The following NSUN3 variants were observed in gnomAD, a reference collection of about 807,000 sequenced individuals.
NSUN3 encodes the protein NOP2/Sun RNA methyltransferase 3, also known as tRNA (cytosine(34)-C(5))-methyltransferase, mitochondrial.
NSUN3 carries 24 observed loss-of-function variants against 36.8 expected under a neutral mutation model. The ratio of observed to expected loss-of-function variants is 0.65; its 90% CI spans 0.47 to 0.92. The LOEUF (loss-of-function observed/expected upper bound fraction) is 0.92. Ranked by LOEUF, NSUN3 falls within the 40% of genes least tolerant of loss-of-function variation. NSUN3 has a pLI of 0.00. For synonymous variants in NSUN3, 146 were observed against 145.2 expected, an observed-to-expected ratio of 1.01 and a Z score of -0.04; for missense variants, 381 against 392.8, an observed-to-expected ratio of 0.97 and a Z score of 0.25.
intron 2 of NSUN3, among the ~76,000 whole-genome samples, chr3:94,079,492 A>G (rs1286359522): frequency 6.6e-6 from 1 of 152,146 alleles, no homozygotes; most frequent in Non-Finnish European, 1.5e-5. Context: ...AGGTTGGGGA[A>G]GTTCTCCTGG....
At chr3:94,089,946 T>C (rs1243780362) in intron 3 of NSUN3, among the ~76,000 whole-genome samples, 1 of 152,172 alleles carries the variant, frequency 6.6e-6, no homozygotes, top group Non-Finnish European at 1.5e-5. Flanking sequence ...ACACTTTTAG[T>C]ACATAGGACA....
intron 5 of NSUN3, among the ~76,000 whole-genome samples, chr3:94,107,285 T>G (rs1025610389): frequency 6.6e-6 from 1 of 152,072 alleles, no homozygotes; most frequent in African/African-American, 2.4e-5. Context: ...GTTTTGTTGT[T>G]GTTGTTTTGT....
At chr3:94,109,381 C>T (rs1243113717) in intron 5 of NSUN3, among the ~76,000 whole-genome samples, 3 of 152,060 alleles carry the variant, frequency 2.0e-5, no homozygotes, top group East Asian at 1.9e-4. Context: ...AGCTATGTAT[C>T]GGAGTTTGGT....
chr3:94,068,444 G>T (rs749246558), intron 2 of NSUN3, among the ~76,000 whole-genome samples: 12 of 152,138 alleles, frequency 7.9e-5, no homozygotes, highest in Non-Finnish European at 1.8e-4. Flanking sequence ...GGGTTTTGAA[G>T]AACCAATACC....
intron 3 of NSUN3, among the ~76,000 whole-genome samples, chr3:94,086,238 T>C (rs926518241): frequency 1.2e-4 from 19 of 152,312 alleles, no homozygotes; most frequent in African/African-American, 4.1e-4. Flanking sequence ...GGCTGACTTA[T>C]TCACTTCCTC....
intron 5 of NSUN3, among the ~76,000 whole-genome samples, chr3:94,123,672 CT>C (rs1481698763): frequency 1.3e-5 from 2 of 152,176 alleles, no homozygotes; most frequent in African/African-American, 2.4e-5. Flanking sequence ...ATTACCACCC[CT>C]GGCTCACCTT....
intron 5 of NSUN3, among the ~76,000 whole-genome samples, chr3:94,109,285 GAA>G (rs1280916094): frequency 9.9e-5 from 15 of 152,196 alleles, no homozygotes; most frequent in African/African-American, 3.6e-4. Context: ...CATCTAGAAA[GAA>G]GAGGCAAATA....
intron 2 of NSUN3, among the ~76,000 whole-genome samples, chr3:94,073,993 G>A (rs1436025620): frequency 6.6e-6 from 1 of 152,074 alleles, no homozygotes; most frequent in Non-Finnish European, 1.5e-5. Context: ...GTAAGGAAGG[G>A]GTCCAGTTTC....
chr3:94,114,860 G>A (rs2077433117), intron 5 of NSUN3, among the ~76,000 whole-genome samples: 1 of 152,140 alleles, frequency 6.6e-6, no homozygotes, highest in Non-Finnish European at 1.5e-5. Context: ...GAGAACATGT[G>A]ATACTTGGTT....
Position 94,063,120 on chromosome 3 carries a change from C to A in NSUN3, c.-7C>A. 3.1e-6 allele frequency: 5 copies of A among 1,613,944 alleles called. No individual in the cohort carries two copies. Among genetic ancestry groups the A allele is most frequent in the Non-Finnish European group, 4.2e-6 (5 of 1,179,930 alleles). ...ACACCTGTTGTTTGAAAGCTCTCAG[C>A]GGGACAATGCTGACCCAGGTGAGAC... is the stretch of plus-strand genomic sequence containing the variant. On this transcript the variant is annotated 5_prime_UTR_variant, in exon 1 of 6. Transcript: ENST00000314622.
chr3:94,095,269 C>A, intron 5 of NSUN3, 115 bp downstream of exon 5: 2 of 995,510 alleles, frequency 2.0e-6, no homozygotes, highest in Admixed American at 2.3e-5. Flanking sequence ...AATGATTATT[C>A]CTCCAAAGGC....
chr3:94,064,586 G>C, intron 2 of NSUN3, 40 bp downstream of exon 2: 1 of 1,215,012 alleles, frequency 8.2e-7, no homozygotes, highest in Non-Finnish European at 1.2e-6. Context: ...ATGGAACAAA[G>C]TACAATATGT....
At chr3:94,087,972 A>G (rs1265320475) in intron 3 of NSUN3, among the ~76,000 whole-genome samples, 3 of 152,090 alleles carry the variant, frequency 2.0e-5, no homozygotes. Flanking sequence ...CCCAATAGTG[A>G]TAACTTTTTG....
At chr3:94,119,773 A>G (rs1287332375) in intron 5 of NSUN3, among the ~76,000 whole-genome samples, 1 of 152,264 alleles carries the variant, frequency 6.6e-6, no homozygotes, top group Non-Finnish European at 1.5e-5. Flanking sequence ...AAGGATTAAA[A>G]TGATATTTAA....
chr3:94,121,950 G>C (rs2077464283), intron 5 of NSUN3, among the ~76,000 whole-genome samples: 1 of 151,746 alleles, frequency 6.6e-6, no homozygotes, highest in African/African-American at 2.4e-5. Context: ...TTTGAGACCA[G>C]CCTGGCCAAC....
chr3:94,084,193 A>C lies in NSUN3; in HGVS notation c.209A>C (p.His70Pro), dbSNP rs1387461452. 1 of 1,614,040 alleles carries C rather than the reference A, an allele frequency of 6.2e-7. No homozygotes were observed. The change falls in exon 3 of 6, where the codon CAT (histidine) becomes CCT (proline). Residue 70 changes from histidine to proline, a missense_variant. Transcript: ENST00000314622. ...NYPFELEKDL[H>P]LKGYHTLSQG... ...CCTTTTGAACTGGAAAAGGATTTACATTTGAAGGGCTATCACACACTCTCT... is the reference window on the plus strand; with the variant it reads ...CCTTTTGAACTGGAAAAGGATTTACCTTTGAAGGGCTATCACACACTCTCT...
At chr3:94,111,873 T>C (rs1354117321) in intron 5 of NSUN3, among the ~76,000 whole-genome samples, 1 of 151,744 alleles carries the variant, frequency 6.6e-6, no homozygotes, top group Non-Finnish European at 1.5e-5. Flanking sequence ...GTATAGTAAA[T>C]ACTAGATGAT....
intron 3 of NSUN3, among the ~76,000 whole-genome samples, chr3:94,092,404 C>G (rs936517444): frequency 2.6e-5 from 4 of 152,106 alleles, no homozygotes; most frequent in Non-Finnish European, 4.4e-5. Flanking sequence ...CTGTCCATAC[C>G]ATGAACTTCT....
At position 94,083,156 on chromosome 3, in the gene NSUN3, TGTAAGCTGAGG is replaced by T. The variant is rs2077277520; in HGVS notation, c.123-950_123-940del. The stretch of plus-strand genomic sequence containing the variant: ...TACTGCAGGGAGGGACTAAGCTGAG[TGTAAGCTGAGG>T]CATACCTCTCTGGTGCAGAATTTAA... On this transcript the variant is annotated intron_variant, in intron 2 of 5. Coordinates refer to ENST00000314622, the MANE Select transcript of NSUN3 (RefSeq NM_022072.5). Among the ~76,000 whole-genome samples, 3 of 149,876 alleles carry T rather than the reference TGTAAGCTGAGG, an allele frequency of 2.0e-5. No homozygotes were observed. The South Asian group carries it at 6.4e-4, about 32-fold the overall frequency.
Sources: gnomAD v4.1 joint callset for allele counts (sites outside exome capture counted in the v4.1 genomes callset) on GRCh38, gnomAD v4.1.1 for gene constraint, MANE v1.5 for transcripts, NCBI Gene and HGNC (gene_info 2026-07-23, HGNC 2026-07-21) for gene names.